SNCAIP: variants seen among roughly 807,000 people sequenced by gnomAD.
SNCAIP encodes the protein synuclein alpha interacting protein, also known as synphilin-1.
In SNCAIP, 43 loss-of-function variants were observed where a neutral mutation model predicts 86.7. The ratio of observed to expected loss-of-function variants is 0.50; its 90% CI spans 0.39 to 0.64. The LOEUF is 0.64. SNCAIP is among the 30% of genes least tolerant of loss of function. SNCAIP has a pLI of 0.00. For synonymous variants in SNCAIP, 417 were observed against 427.2 expected (o/e 0.98, Z 0.29); for missense variants, 981 against 1,103.1 (o/e 0.89, Z 1.57).
At chr5:122,343,340 G>GT (rs1335529743) in intron 1 of SNCAIP, among the ~76,000 whole-genome samples, 1 of 152,068 alleles carries the variant, frequency 6.6e-6, no homozygotes, top group Non-Finnish European at 1.5e-5. Flanking sequence ...TTTTATTCAA[G>GT]TAACAACACA....
chr5:122,451,539 G>A lies in SNCAIP; in HGVS notation c.2692G>A (p.Gly898Arg), dbSNP rs1391057020. The change falls in exon 10 of 11, where the codon GGG (glycine) becomes AGG (arginine). Residue 898 changes from glycine (G) to arginine (R), a missense_variant. Gly to Arg is a moderately radical substitution (Grantham distance 125). Transcript: ENST00000261368. ...CTCTACATTGCCCTTGACCTCACTTGGGAGGAAGACAGATGCCAAGGGAAA... is the reference window on the plus strand; with the variant it reads ...CTCTACATTGCCCTTGACCTCACTTAGGAGGAAGACAGATGCCAAGGGAAA... ...KTSTLPLTSL[G>R]RKTDAKGNPA... The A allele has an allele frequency of 3.1e-6, 5 of 1,613,782 alleles. No individual in the cohort carries two copies. The highest frequency in any genetic ancestry group is 2.5e-6 in the Non-Finnish European group (3 of 1,180,012).
chr5:122,411,009 G>A (rs541904503), intron 3 of SNCAIP, among the ~76,000 whole-genome samples: 5 of 152,134 alleles, frequency 3.3e-5, no homozygotes, highest in Non-Finnish European at 5.9e-5. Flanking sequence ...GAACAAGACA[G>A]TATTTGAGGG....
At chr5:122,396,945 T>A (rs920597095) in intron 2 of SNCAIP, among the ~76,000 whole-genome samples, 1 of 152,202 alleles carries the variant, frequency 6.6e-6, no homozygotes, top group Non-Finnish European at 1.5e-5. Flanking sequence ...GGCTTCATTT[T>A]AAAATGCTGG....
intron 1 of SNCAIP, among the ~76,000 whole-genome samples, chr5:122,317,053 C>T (rs534070748): frequency 1.8e-4 from 28 of 152,044 alleles, no homozygotes; most frequent in Admixed American, 1.5e-3. Context: ...CGTGCAGTAA[C>T]GTTTTTTTAA....
chr5:122,323,868 C>T (rs1184980527), intron 1 of SNCAIP, among the ~76,000 whole-genome samples: 2 of 152,088 alleles, frequency 1.3e-5, no homozygotes, highest in Non-Finnish European at 2.9e-5. Flanking sequence ...CTTTCTCCTC[C>T]CCCCTCCAAT....
chr5:122,359,984 A>G lies in SNCAIP; in HGVS notation c.-46-31105A>G, dbSNP rs569189540. Reference sequence around the variant, plus strand: ...TCTCATGCTGCAAGGATTCCTGTATATGAAACATGCAATACCAAAGAACCT... The same window carrying G: ...TCTCATGCTGCAAGGATTCCTGTATGTGAAACATGCAATACCAAAGAACCT... On this transcript the variant is annotated intron_variant, in intron 1 of 10. Transcript: ENST00000261368. 5.9e-5 allele frequency among the ~76,000 whole-genome samples: 9 copies of G among 152,306 alleles called. No homozygotes were observed. The South Asian group carries it at 8.3e-4, about 14-fold the overall frequency.
chr5:122,453,120 C>T (rs372346138), intron 10 of SNCAIP: 32 of 589,074 alleles, frequency 5.4e-5, no homozygotes, highest in East Asian at 5.2e-4. Flanking sequence ...AAGAAAATTA[C>T]AACTATTCCC....
chr5:122,402,895 G>A (rs757164199), intron 2 of SNCAIP, among the ~76,000 whole-genome samples: 4 of 152,114 alleles, frequency 2.6e-5, no homozygotes, highest in Non-Finnish European at 5.9e-5. Flanking sequence ...TAGTTTCAGG[G>A]AGCTGCATTT....
intron 10 of SNCAIP, among the ~76,000 whole-genome samples, chr5:122,457,917 C>T (rs1307408904): frequency 6.6e-6 from 1 of 152,062 alleles, no homozygotes; most frequent in Non-Finnish European, 1.5e-5. Context: ...AAAAAATGTC[C>T]ATGTTATGAG....
Position 122,423,236 on chromosome 5 carries a change from T to C in SNCAIP, c.499T>C (p.Ser167Pro), listed in dbSNP as rs755709185. 7 of 1,614,104 alleles carry C rather than the reference T, an allele frequency of 4.3e-6. No homozygotes were observed. In the African/African-American group the frequency reaches 8.0e-5, roughly 18 times the overall value. ...PYIKSSQQLA[S>P]FTKVTSEKRI... ...TATTAAATCCAGTCAGCAGCTTGCC[T>C]CTTTTACCAAGGTGACTTCAGAAAA... Residue 167 changes from serine to proline, a missense_variant, in exon 4 of 11, where the codon TCT becomes CCT. By Grantham distance (74) the Ser-to-Pro change is moderately conservative. Transcript: ENST00000261368.
chr5:122,351,140 T>C (rs1173836695), intron 1 of SNCAIP, among the ~76,000 whole-genome samples: 1 of 152,220 alleles, frequency 6.6e-6, no homozygotes, highest in Non-Finnish European at 1.5e-5. Context: ...TTTCATGCTT[T>C]TTCTACCTTG....
intron 1 of SNCAIP, among the ~76,000 whole-genome samples, chr5:122,316,520 G>A (rs964909673): frequency 7.2e-5 from 11 of 152,288 alleles, no homozygotes; most frequent in South Asian, 4.1e-4. Context: ...GATTTATTTC[G>A]GCCTAGACGT....
chr5:122,461,277 T>C (rs1786164601), intron 10 of SNCAIP, among the ~76,000 whole-genome samples: 1 of 152,176 alleles, frequency 6.6e-6, no homozygotes, highest in Admixed American at 6.5e-5. Flanking sequence ...TTATCTCCAA[T>C]ATTTTGATTT....
At chr5:122,327,979 C>T (rs1754458282) in intron 1 of SNCAIP, among the ~76,000 whole-genome samples, 1 of 152,054 alleles carries the variant, frequency 6.6e-6, no homozygotes, top group Admixed American at 6.5e-5. Context: ...GGTTAAAGGC[C>T]AAGTGGGTAT....
At chr5:122,410,432 C>G (rs376415818) in intron 3 of SNCAIP, among the ~76,000 whole-genome samples, 1 of 152,144 alleles carries the variant, frequency 6.6e-6, no homozygotes, top group South Asian at 2.1e-4. Context: ...ATTAACACTT[C>G]ATTTATGTTT....
intron 1 of SNCAIP, among the ~76,000 whole-genome samples, chr5:122,341,467 T>C (rs1757571565): frequency 1.3e-5 from 2 of 152,206 alleles, no homozygotes; most frequent in African/African-American, 4.8e-5. Context: ...AAGGGAACAA[T>C]ATATTTCCCA....
intron 1 of SNCAIP, among the ~76,000 whole-genome samples, chr5:122,334,431 A>G (rs2152704758): frequency 6.6e-6 from 1 of 152,308 alleles, no homozygotes; most frequent in South Asian, 2.1e-4. Flanking sequence ...GTGACAATAA[A>G]ATAGATGTTT....
intron 1 of SNCAIP, among the ~76,000 whole-genome samples, chr5:122,342,312 G>A (rs996558729): frequency 4.6e-5 from 7 of 152,024 alleles, no homozygotes; most frequent in African/African-American, 2.4e-5. Flanking sequence ...CAGCAACTCC[G>A]TTTATCCCAT....
chr5:122,440,705 A>C lies in SNCAIP; in HGVS notation c.1373A>C (p.Asn458Thr). ...ISLDEVDQDG[N>T]SAVHVASQHG... Reference sequence around the variant, plus strand: ...TTGGATGAAGTAGACCAGGATGGCAACAGTGCCGTTCACGTAGCCTCACAG... The same window carrying C: ...TTGGATGAAGTAGACCAGGATGGCACCAGTGCCGTTCACGTAGCCTCACAG... The change falls in exon 7 of 11, where the codon AAC becomes ACC. Residue 458 changes from asparagine to threonine, a missense_variant. Physicochemically the swap from Asn to Thr is moderately conservative, Grantham distance 65. Coordinates refer to ENST00000261368, the MANE Select transcript of SNCAIP (RefSeq NM_005460.4). 1 of 1,614,078 alleles carries C rather than the reference A, an allele frequency of 6.2e-7. No individual in the cohort carries two copies. Among genetic ancestry groups the C allele is most frequent in the Non-Finnish European group, 8.5e-7 (1 of 1,179,908 alleles).
Sources: gnomAD v4.1 joint callset for allele counts (sites outside exome capture counted in the v4.1 genomes callset) on GRCh38, gnomAD v4.1.1 for gene constraint, MANE v1.5 for transcripts, NCBI Gene and HGNC (gene_info 2026-07-23, HGNC 2026-07-21) for gene names.